The following GPX2 variants were observed in gnomAD, a reference collection of about 807,000 sequenced individuals.
GPX2 encodes the protein glutathione peroxidase 2, also known as gastrointestinal glutathione peroxidase.
GPX2 carries 21 observed loss-of-function variants against 14.1 expected under a neutral mutation model. The ratio of observed to expected loss-of-function variants is 1.48; its 90% CI spans 1.05 to 2.14. GPX2 has a LOEUF of 2.14. Among genes scored for constraint, GPX2 ranks in the 30% most tolerant of loss-of-function variants. GPX2 has a pLI of 0.00. For missense variants in GPX2, 241 were observed against 249.8 expected (o/e 0.96, Z 0.24); for synonymous variants, 94 against 95.2 (o/e 0.99, Z 0.07).
In GPX2 at chr14:64,940,304, TAC is replaced by T. The variant is rs1885561756; in HGVS notation, c.223-468_223-467del. On this transcript the variant is annotated intron_variant, in intron 1 of 1. Transcript: ENST00000389614. The surrounding 1 kb of genome is among the most constrained non-coding windows in gnomAD (Gnocchi z 4.5). ...ACCCACCTACCCATAAATCCATACC[TAC>T]ACACACACCCCTTTCCTTTCCTCTG... 10 of 579,460 alleles carry T rather than the reference TAC, an allele frequency of 1.7e-5. No homozygotes were observed. The highest frequency in any genetic ancestry group is 2.6e-5 in the Non-Finnish European group (9 of 340,160). 35.9% of individuals were successfully genotyped at this position (579,460 alleles called of 1,614,324 possible).
rs771445823 is a variant in GPX2, at chr14:64,940,194, C to A, written c.223-356G>T. Reference sequence around the variant, plus strand: ...GCTTTTGTCTCCAGTCTACCCTGAGCAGTTCTTAAGGTGTTTGAAGCAGAA... The same window carrying A: ...GCTTTTGTCTCCAGTCTACCCTGAGAAGTTCTTAAGGTGTTTGAAGCAGAA... On this transcript the variant is annotated intron_variant, in intron 1 of 1. Transcript: ENST00000389614. This position sits in a 1 kb window ranked among gnomAD's most constrained non-coding sequence, Gnocchi z 4.5. The A allele has an allele frequency of 2.9e-4, 379 of 1,315,138 alleles. No homozygotes were observed. The highest frequency in any genetic ancestry group is 3.5e-4 in the Non-Finnish European group (354 of 1,006,296). 81.5% of individuals were successfully genotyped at this position (1,315,138 alleles called of 1,614,324 possible).
At chr14:64,941,234 T>C in intron 1 of GPX2, 1 of 533,270 alleles carries the variant, frequency 1.9e-6, no homozygotes, top group South Asian at 2.3e-5. Context: ...GCCTGGCTAA[T>C]TTTTGCAATT....
Position 64,940,055 on chromosome 14 carries a change from T to A in GPX2, c.223-217A>T. Reference sequence around the variant, plus strand: ...CTTCAGCCTCTTTAGTAGCTGAGACTACAGACACAGGCCACCATGCCCGGC... The same window carrying A: ...CTTCAGCCTCTTTAGTAGCTGAGACAACAGACACAGGCCACCATGCCCGGC... On this transcript the variant is annotated intron_variant, in intron 1 of 1. Transcript: ENST00000389614. The surrounding 1 kb of genome is among the most constrained non-coding windows in gnomAD (Gnocchi z 4.5). 2 of 1,468,784 alleles carry A rather than the reference T, an allele frequency of 1.4e-6. No homozygotes were observed. Among genetic ancestry groups the A allele is most frequent in the Non-Finnish European group, 1.8e-6 (2 of 1,105,962 alleles). 91.0% of individuals were successfully genotyped at this position (1,468,784 alleles called of 1,614,324 possible). A position where few individuals can be genotyped will look rare whatever the true frequency, so the allele number is the denominator to read the frequency against.
chr14:64,941,090 A>G (rs1885610467), intron 1 of GPX2, among the ~76,000 whole-genome samples: 1 of 152,128 alleles, frequency 6.6e-6, no homozygotes, highest in African/African-American at 2.4e-5. Context: ...TTCCTGAGAC[A>G]GGGCCTCACT....
rs1760896484 is a variant in GPX2, at chr14:64,941,376, A to G, written c.222+1129T>C. On this transcript the variant is annotated intron_variant, in intron 1 of 1. Transcript: ENST00000389614. ...AGCCACTGTACCCTGGCAGATTTCT[A>G]TTTCTTGATACAAATGGCTGGCTGG... 10 of 1,279,630 alleles carry G rather than the reference A, an allele frequency of 7.8e-6. No homozygotes were observed. In the Admixed American group the frequency reaches 1.2e-4, roughly 15 times the overall value. The allele number at this position is 1,279,630 out of a possible 1,614,324, so 79.3% of individuals were successfully genotyped here.
At position 64,939,407 on chromosome 14, in the gene GPX2, G is replaced by A. The variant is rs1376384321; in HGVS notation, c.*81C>T. ...ATCAAGGGAATGCTGAGGTCCAGCAGTGTCTCCTGAAGGCATGCTGCATCC... is the reference window on the plus strand; with the variant it reads ...ATCAAGGGAATGCTGAGGTCCAGCAATGTCTCCTGAAGGCATGCTGCATCC... On this transcript the variant is annotated 3_prime_UTR_variant, in exon 2 of 2. Transcript: ENST00000389614. The surrounding 1 kb of genome is among the most constrained non-coding windows in gnomAD (Gnocchi z 5.7). 2.9e-5 allele frequency: 30 copies of A among 1,035,486 alleles called. No individual in the cohort carries two copies. Among genetic ancestry groups the A allele is most frequent in the Non-Finnish European group, 4.3e-5 (29 of 681,132 alleles). The allele number at this position is 1,035,486 out of a possible 1,614,324, so 64.1% of individuals were successfully genotyped here.
rs769214426 is a variant in GPX2 at position 64,942,717 on chromosome 14, T to C, written c.10A>G (p.Ile4Val). 1.9e-6 allele frequency: 3 copies of C among 1,613,636 alleles called. No individual in the cohort carries two copies. The highest frequency in any genetic ancestry group is 2.5e-6 in the Non-Finnish European group (3 of 1,179,800). The stretch of plus-strand genomic sequence containing the variant: ...CTGAGGTCATAGAAGGACTTGGCAA[T>C]GAAAGCCATGGTGAAGCGCAGAGTG... The part of the protein sequence containing the change: MAF[I>V]AKSFYDLSAI... The change falls in exon 1 of 2, where the codon ATT becomes GTT. Residue 4 changes from isoleucine to valine, a missense_variant. Coordinates refer to ENST00000389614, the MANE Select transcript of GPX2 (RefSeq NM_002083.4).
chr14:64,940,156 C>T lies in GPX2; in HGVS notation c.223-318G>A. 1 of 1,349,190 alleles carries T rather than the reference C, an allele frequency of 7.4e-7. No homozygotes were observed. The highest frequency in any genetic ancestry group is 1.2e-5 in the South Asian group (1 of 81,530). The allele number at this position is 1,349,190 out of a possible 1,614,324, so 83.6% of individuals were successfully genotyped here. A position where few individuals can be genotyped will look rare whatever the true frequency, so the allele number is the denominator to read the frequency against. ...TTTGGCTGCTCTTCAAGATTTAGCACTTCTGAGCTGTTGCTTTTGTCTCCA... is the reference window on the plus strand; with the variant it reads ...TTTGGCTGCTCTTCAAGATTTAGCATTTCTGAGCTGTTGCTTTTGTCTCCA... On this transcript the variant is annotated intron_variant, in intron 1 of 1. Transcript: ENST00000389614. This position sits in a 1 kb window ranked among gnomAD's most constrained non-coding sequence, Gnocchi z 4.5.
At chr14:64,942,118 G>C (rs1242613925) in intron 1 of GPX2, among the ~76,000 whole-genome samples, 1 of 152,196 alleles carries the variant, frequency 6.6e-6, no homozygotes, top group Non-Finnish European at 1.5e-5. Flanking sequence ...AGTCCAGCTA[G>C]AGCTAAGGTC....
Position 64,939,889 on chromosome 14 carries a change from A to G in GPX2, c.223-51T>C, listed in dbSNP as rs1276216159. On this transcript the variant is annotated intron_variant, in intron 1 of 1. Coordinates refer to ENST00000389614, the MANE Select transcript of GPX2 (RefSeq NM_002083.4). This position sits in a 1 kb window ranked among gnomAD's most constrained non-coding sequence, Gnocchi z 5.7. ...GTGGACAGTGGGTGGGGGAAGAGAAAGATCCACAACATGAAACTCTTTCAC... is the reference window on the plus strand; with the variant it reads ...GTGGACAGTGGGTGGGGGAAGAGAAGGATCCACAACATGAAACTCTTTCAC... The G allele has an allele frequency of 1.9e-6, 3 of 1,585,716 alleles. No homozygotes were observed.
At position 64,939,679 on chromosome 14, in the gene GPX2, C is replaced by G. The variant is rs372334041; in HGVS notation, c.382G>C (p.Asp128His). The change falls in exon 2 of 2, where the codon GAT becomes CAT. Residue 128 changes from aspartate (D) to histidine (H), a missense_variant. Physicochemically the swap from Asp to His is moderately conservative, Grantham distance 81 (BLOSUM62 -1). Coordinates refer to ENST00000389614, the MANE Select transcript of GPX2 (RefSeq NM_002083.4). The surrounding 1 kb of genome is among the most constrained non-coding windows in gnomAD (Gnocchi z 5.7). ...TCGGTCATGAGGGAAAATGGGTCAT[C>G]ATAAGGGTAGGGGAGCTTGTCCTTC... is the stretch of plus-strand genomic sequence containing the variant. ...YLKDKLPYPY[D>H]DPFSLMTDPK... The G allele has an allele frequency of 4.3e-6, 7 of 1,613,946 alleles. No individual in the cohort carries two copies. The highest frequency in any genetic ancestry group is 5.9e-6 in the Non-Finnish European group (7 of 1,180,014).
In GPX2 at chr14:64,942,653, G is replaced by T. The variant is rs200567114; in HGVS notation, c.74C>A (p.Thr25Lys). The T allele has an allele frequency of 2.9e-5, 47 of 1,614,044 alleles. No homozygotes were observed. The highest frequency in any genetic ancestry group is 3.9e-5 in the Non-Finnish European group (46 of 1,180,016). ...AATCAGCACGGCCCTGCCCCGGAAC[G>T]TATTGAAATCTACCTTCTCCCCATC... ...SLDGEKVDFN[T>K]FRGRAVLIEN... is the part of the protein sequence containing the mutation. Residue 25 changes from threonine to lysine, a missense_variant, in exon 1 of 2, where the codon ACG becomes AAG. Coordinates refer to ENST00000389614, the MANE Select transcript of GPX2 (RefSeq NM_002083.4).
rs765219523 is a variant in GPX2 at position 64,939,568 on chromosome 14, G to A, written c.493C>T (p.Pro165Ser). The A allele has an allele frequency of 5.0e-6, 8 of 1,614,166 alleles. No individual in the cohort carries two copies. The highest frequency in any genetic ancestry group is 8.5e-7 in the Non-Finnish European group (1 of 1,180,026). The change falls in exon 2 of 2, where the codon CCC becomes TCC. Residue 165 changes from proline to serine, a missense_variant. By Grantham distance (74) the Pro-to-Ser change is moderately conservative. Transcript: ENST00000389614. This position sits in a 1 kb window ranked among gnomAD's most constrained non-coding sequence, Gnocchi z 5.7. The part of the protein sequence containing the change: ...EKFLIGPEGE[P>S]FRRYSRTFPT... ...AAGGTGCGGCTGTAGCGTCGGAAGG[G>A]CTCTCCCTCCGGCCCTATGAGGAAC...
chr14:64,941,441 G>T, intron 1 of GPX2: 1 of 1,288,494 alleles, frequency 7.8e-7, no homozygotes, highest in Non-Finnish European at 1.0e-6. Flanking sequence ...AACTTGCTAG[G>T]CTGAAGAGAT....
At position 64,942,561 on chromosome 14, in the gene GPX2, G is replaced by A; in HGVS notation, c.166C>T (p.Arg56Cys). The change falls in exon 1 of 2, where the codon CGC (arginine) becomes TGC (cysteine). Residue 56 changes from arginine to cysteine, a missense_variant. Arg to Cys is a radical substitution (Grantham distance 180, BLOSUM62 -3). Transcript: ENST00000389614. ...DFTQLNELQCRFPRRLVVLGF... is the reference protein window; with the variant it reads ...DFTQLNELQCCFPRRLVVLGF... Reference sequence around the variant, plus strand: ...AGGACCACCAGGCGCCTGGGAAAGCGGCATTGCAGCTCGTTGAGCTGGGTG... The same window carrying A: ...AGGACCACCAGGCGCCTGGGAAAGCAGCATTGCAGCTCGTTGAGCTGGGTG... 6.2e-6 allele frequency: 10 copies of A among 1,614,230 alleles called. No individual in the cohort carries two copies. The highest frequency in any genetic ancestry group is 1.3e-5 in the African/African-American group (1 of 75,046).
chr14:64,940,993 A>G lies in GPX2; in HGVS notation c.223-1155T>C, dbSNP rs1305535545. On this transcript the variant is annotated intron_variant, in intron 1 of 1. Transcript: ENST00000389614. This position sits in a 1 kb window ranked among gnomAD's most constrained non-coding sequence, Gnocchi z 4.5. ...TCCTGCTTCTGACCTGTGAGAACTAACTAGTTCAGTCAGTTCCAGGCCATC... is the reference window on the plus strand; with the variant it reads ...TCCTGCTTCTGACCTGTGAGAACTAGCTAGTTCAGTCAGTTCCAGGCCATC... Among the ~76,000 whole-genome samples, 1 of 152,170 alleles carries G rather than the reference A, an allele frequency of 6.6e-6. No homozygotes were observed. Among genetic ancestry groups the G allele is most frequent in the African/African-American group, 2.4e-5 (1 of 41,422 alleles).
chr14:64,941,432 A>T, intron 1 of GPX2: 2 of 1,288,198 alleles, frequency 1.6e-6, no homozygotes, highest in Non-Finnish European at 2.0e-6. Context: ...CCCTCCAGCA[A>T]CTTGCTAGGC....
Position 64,940,421 on chromosome 14 carries a change from A to G in GPX2, c.223-583T>C, listed in dbSNP as rs1011810174. On this transcript the variant is annotated intron_variant, in intron 1 of 1. Coordinates refer to ENST00000389614, the MANE Select transcript of GPX2 (RefSeq NM_002083.4). This position sits in a 1 kb window ranked among gnomAD's most constrained non-coding sequence, Gnocchi z 4.5. ...CTCAGCTCCTTGAACTGAGGGTGAAATTGAGACCCAGAGGAATGGGATTTA... is the reference window on the plus strand; with the variant it reads ...CTCAGCTCCTTGAACTGAGGGTGAAGTTGAGACCCAGAGGAATGGGATTTA... Among the ~76,000 whole-genome samples, 1 of 152,118 alleles carries G rather than the reference A, an allele frequency of 6.6e-6. No individual in the cohort carries two copies. Among genetic ancestry groups the G allele is most frequent in the Admixed American group, 6.5e-5 (1 of 15,274 alleles).
Position 64,940,131 on chromosome 14 carries a change from T to C in GPX2, c.223-293A>G. 7.2e-7 allele frequency: 1 copy of C among 1,386,968 alleles called. No homozygotes were observed. The highest frequency in any genetic ancestry group is 9.5e-7 in the Non-Finnish European group (1 of 1,052,620). 85.9% of individuals were successfully genotyped at this position (1,386,968 alleles called of 1,614,324 possible). A position where few individuals can be genotyped will look rare whatever the true frequency, so the allele number is the denominator to read the frequency against. On this transcript the variant is annotated intron_variant, in intron 1 of 1. Coordinates refer to ENST00000389614, the MANE Select transcript of GPX2 (RefSeq NM_002083.4). The surrounding 1 kb of genome is among the most constrained non-coding windows in gnomAD (Gnocchi z 4.5). ...TGGGGTCTCACTTTGTTGCCCATGC[T>C]TTGGCTGCTCTTCAAGATTTAGCAC...
Sources: allele counts gnomAD v4.1 joint callset (sites outside exome capture counted in the v4.1 genomes callset), GRCh38; gene constraint gnomAD v4.1.1; non-coding constraint Gnocchi (gnomAD v3.1); transcripts MANE v1.5; gene names NCBI Gene and HGNC (gene_info 2026-07-23, HGNC 2026-07-21).